NBEA: variants seen among roughly 807,000 people sequenced by gnomAD.
NBEA encodes the protein neurobeachin, also known as lysosomal-trafficking regulator 2.
A neutral mutation model predicts 343.4 loss-of-function variants in NBEA; 44 were observed. The ratio of observed to expected loss-of-function variants is 0.13; its 90% CI spans 0.10 to 0.16. NBEA has a LOEUF of 0.16. Ranked by LOEUF, NBEA falls within the 10% of genes least tolerant of loss-of-function variation. The pLI is 1.00. For missense variants in NBEA, 2,555 were observed against 3,631.3 expected (o/e 0.70, Z 7.62); for synonymous variants, 1,175 against 1,238.7 (o/e 0.95, Z 1.08).
intron 24 of NBEA, among the ~76,000 whole-genome samples, chr13:35,167,706 T>A (rs2070147225): frequency 6.6e-6 from 1 of 151,918 alleles, no homozygotes; most frequent in South Asian, 2.1e-4. Context: ...TTTGTTGTTG[T>A]TGATTTTTTT....
At chr13:35,162,791 C>A (rs912488438) in intron 23 of NBEA, among the ~76,000 whole-genome samples, 1 of 151,988 alleles carries the variant, frequency 6.6e-6, no homozygotes, top group Non-Finnish European at 1.5e-5. Context: ...GCTAGTCTTT[C>A]CTATACCCAG....
intron 7 of NBEA, among the ~76,000 whole-genome samples, chr13:35,058,348 A>G (rs931695931): frequency 2.0e-5 from 3 of 152,152 alleles, no homozygotes; most frequent in African/African-American, 7.2e-5. Flanking sequence ...CATTCCCTTG[A>G]TTCAGATCAA....
chr13:35,484,664 A>G (rs1212853805), intron 41 of NBEA, among the ~76,000 whole-genome samples: 2 of 152,140 alleles, frequency 1.3e-5, no homozygotes, highest in Non-Finnish European at 2.9e-5. Flanking sequence ...ACAGAAAAAG[A>G]AAAAATACAG....
chr13:35,436,639 G>A (rs1157223302), intron 39 of NBEA, among the ~76,000 whole-genome samples: 1 of 150,678 alleles, frequency 6.6e-6, no homozygotes, highest in Non-Finnish European at 1.5e-5. Flanking sequence ...GAGCCCGGGA[G>A]ACGGAGCTTG....
intron 38 of NBEA, among the ~76,000 whole-genome samples, chr13:35,427,671 G>A (rs147349052): frequency 0.042 from 6,422 of 152,260 alleles, 216 homozygotes; most frequent in East Asian, 0.17. Context: ...GTCAGACAGG[G>A]ACATTTAAGT....
At chr13:35,080,242 G>A (rs912500853) in intron 10 of NBEA, among the ~76,000 whole-genome samples, 5 of 151,972 alleles carry the variant, frequency 3.3e-5, no homozygotes, top group South Asian at 4.2e-4. Flanking sequence ...TACAACTGTC[G>A]TACATATTAT....
At chr13:35,211,606 G>C (rs111396957) in intron 33 of NBEA, among the ~76,000 whole-genome samples, 2,471 of 152,148 alleles carry the variant, frequency 0.016, 62 homozygotes, top group African/African-American at 0.052. Flanking sequence ...CTTGAGGCCA[G>C]AAGTTGGAGA....
chr13:35,591,101 T>G (rs73498983), intron 46 of NBEA, among the ~76,000 whole-genome samples: 5,118 of 152,148 alleles, frequency 0.034, 313 homozygotes, highest in African/African-American at 0.12. Context: ...CTCTATGTTA[T>G]TTCATTTAAT....
intron 41 of NBEA, among the ~76,000 whole-genome samples, chr13:35,528,013 A>G (rs2078068474): frequency 6.6e-6 from 1 of 152,216 alleles, no homozygotes; most frequent in Non-Finnish European, 1.5e-5. Context: ...TAAAAAAAAT[A>G]TAAGTTTTAC....
chr13:35,117,264 ATAT>A lies in NBEA; in HGVS notation c.2003-144_2003-142del, dbSNP rs1260148949. 4 of 289,304 alleles carry A rather than the reference ATAT, an allele frequency of 1.4e-5. No individual in the cohort carries two copies. In the East Asian group the frequency reaches 2.8e-4, roughly 20 times the overall value. The allele number at this position is 289,304 out of a possible 1,614,324, so 17.9% of individuals were successfully genotyped here. ...TGAAAGTTAATTTTTGGATACTCAT[ATAT>A]TATTAAAATTTTATAGCATTAATAT... On this transcript the variant is annotated intron_variant, in intron 13 of 58. Transcript: ENST00000379939.
chr13:35,042,657 CTTT>C (rs2062697421), intron 2 of NBEA, among the ~76,000 whole-genome samples: 1 of 151,658 alleles, frequency 6.6e-6, no homozygotes, highest in Non-Finnish European at 1.5e-5. Flanking sequence ...CTCCTTAATT[CTTT>C]TATCTTTTTC....
chr13:35,099,022 A>G (rs906754474), intron 11 of NBEA, among the ~76,000 whole-genome samples: 3 of 143,064 alleles, frequency 2.1e-5, no homozygotes, highest in African/African-American at 7.8e-5. Context: ...CTTTTCACTT[A>G]GACTTTTTTT....
chr13:35,433,157 T>A (rs1160110646), intron 39 of NBEA, among the ~76,000 whole-genome samples: 1 of 152,074 alleles, frequency 6.6e-6, no homozygotes, highest in Non-Finnish European at 1.5e-5. Context: ...ATTTTTGTAG[T>A]TTAATAAAAA....
At chr13:35,208,144 C>G (rs1321313075) in intron 31 of NBEA, among the ~76,000 whole-genome samples, 1 of 152,048 alleles carries the variant, frequency 6.6e-6, no homozygotes, top group South Asian at 2.1e-4. Context: ...CACTTGAACC[C>G]AGGAGGCAGA....
chr13:35,655,389 C>A (rs565081033), intron 54 of NBEA, among the ~76,000 whole-genome samples, 190 bp from the exon 55 acceptor site: 1 of 152,198 alleles, frequency 6.6e-6, no homozygotes, highest in South Asian at 2.1e-4. Flanking sequence ...AAAAGCAATG[C>A]AAGAAAGCAA....
chr13:35,013,538 T>G (rs1268897577), intron 1 of NBEA, among the ~76,000 whole-genome samples: 1 of 151,956 alleles, frequency 6.6e-6, no homozygotes, highest in Non-Finnish European at 1.5e-5. Flanking sequence ...TGGTACAATC[T>G]TGGCTCACTG....
In NBEA at chr13:35,313,819, G is replaced by A. The variant is rs554537722; in HGVS notation, c.5903+4227G>A. 2.0e-5 allele frequency among the ~76,000 whole-genome samples: 3 copies of A among 152,282 alleles called. No homozygotes were observed. In the South Asian group the frequency reaches 6.2e-4, roughly 32 times the overall value. On this transcript the variant is annotated intron_variant, in intron 36 of 58. Transcript: ENST00000379939. ...AGGGACAGAAGCCAGGTTGCTTTGA[G>A]TTGAAGAGCTAGCCCAAAATGAAAT...
intron 39 of NBEA, among the ~76,000 whole-genome samples, chr13:35,434,050 AT>A (rs2045279528): frequency 6.6e-6 from 1 of 152,108 alleles, no homozygotes; most frequent in Admixed American, 6.5e-5. Flanking sequence ...TTCATATTAT[AT>A]TACATTCCAC....
chr13:34,956,018 C>T (rs2152486998), intron 1 of NBEA, among the ~76,000 whole-genome samples: 1 of 152,254 alleles, frequency 6.6e-6, no homozygotes, highest in East Asian at 1.9e-4. Flanking sequence ...TCAACTCTCC[C>T]TTTTATTTGA....
Sources: allele counts gnomAD v4.1 joint callset (sites outside exome capture counted in the v4.1 genomes callset), GRCh38; gene constraint gnomAD v4.1.1; transcripts MANE v1.5; gene names NCBI Gene and HGNC (gene_info 2026-07-23, HGNC 2026-07-21).